Variants in ZNF804B observed in about 807,000 individuals in gnomAD.
ZNF804B encodes the protein zinc finger protein 804B.
In ZNF804B, 80 loss-of-function variants were observed where a neutral mutation model predicts 101.4. That is an observed-to-expected ratio of 0.79 (90% CI 0.66 to 0.95). The LOEUF (loss-of-function observed/expected upper bound fraction) is 0.95. Ranked by LOEUF, ZNF804B falls within the 40% of genes least tolerant of loss-of-function variation. The pLI is 0.00. For missense variants in ZNF804B, 1,673 were observed against 1,561.9 expected, an observed-to-expected ratio of 1.07 and a Z score of -1.20; for synonymous variants, 622 against 558.8, an observed-to-expected ratio of 1.11 and a Z score of -1.59.
At chr7:89,028,168 A>G (rs925579367) in intron 1 of ZNF804B, among the ~76,000 whole-genome samples, 2 of 152,160 alleles carry the variant, frequency 1.3e-5, no homozygotes, top group Admixed American at 1.3e-4. Flanking sequence ...GTCAATATAT[A>G]ACAAATAATA....
intron 1 of ZNF804B, among the ~76,000 whole-genome samples, chr7:88,980,362 G>A (rs1793678640): frequency 6.6e-6 from 1 of 152,048 alleles, no homozygotes; most frequent in Admixed American, 6.6e-5. Context: ...CTTGATACTT[G>A]TGGATTGTTG....
intron 1 of ZNF804B, among the ~76,000 whole-genome samples, chr7:89,103,048 GTTTTTTTTTTTTTTTTTTTT>G (rs56693128): frequency 2.7e-4 from 9 of 33,752 alleles, no homozygotes; most frequent in South Asian, 1.9e-3. Context: ...CTATGTGTCT[GTTTTTTTTTTTTTTTTTTTT>G]TTTTTTTTTT....
Position 89,336,306 on chromosome 7 carries a change from T to A in ZNF804B, c.3324T>A (p.Asn1108Lys). ...TACAGGATGTAAGCATGCATATAAA[T>A]CATGTAGAGGGAAATATAAACTCTT... ...LDLQDVSMHI[N>K]HVEGNINSYY... The change falls in exon 4 of 4, where the codon AAT (asparagine) becomes AAA (lysine). Residue 1108 changes from asparagine to lysine, a missense_variant. Transcript: ENST00000333190. 1 of 1,613,822 alleles carries A rather than the reference T, an allele frequency of 6.2e-7. No individual in the cohort carries two copies. The highest frequency in any genetic ancestry group is 8.5e-7 in the Non-Finnish European group (1 of 1,179,922).
In ZNF804B at chr7:89,035,774, C is replaced by T. The variant is rs571196331; in HGVS notation, c.109-182381C>T. On this transcript the variant is annotated intron_variant, in intron 1 of 3. Coordinates refer to ENST00000333190, the MANE Select transcript of ZNF804B (RefSeq NM_181646.5). ...TATACTGATTTAAGAACAGGAAAAA[C>T]ATTCAAATGTCATATTTTTGTTAGT... Among the ~76,000 whole-genome samples the T allele has an allele frequency of 4.0e-5, 6 of 150,738 alleles. No individual in the cohort carries two copies. In the South Asian group the frequency reaches 1.2e-3, roughly 31 times the overall value.
chr7:89,280,331 A>G (rs1466551984), intron 2 of ZNF804B, among the ~76,000 whole-genome samples: 6 of 151,880 alleles, frequency 4.0e-5, no homozygotes, highest in Non-Finnish European at 8.8e-5. Context: ...TGACACTCTA[A>G]CATCACAATT....
At chr7:88,837,728 A>C (rs1791235408) in intron 1 of ZNF804B, among the ~76,000 whole-genome samples, 1 of 151,856 alleles carries the variant, frequency 6.6e-6, no homozygotes, top group Non-Finnish European at 1.5e-5. Flanking sequence ...TCTTTTTCCA[A>C]CTGCGTATCT....
intron 1 of ZNF804B, among the ~76,000 whole-genome samples, chr7:88,844,138 T>G (rs1482121800): frequency 2.0e-5 from 3 of 152,222 alleles, no homozygotes; most frequent in Non-Finnish European, 2.9e-5. Context: ...ACAGATATGA[T>G]ACCTCAAACT....
At chr7:89,136,762 TGTGC>T (rs1480318071) in intron 1 of ZNF804B, among the ~76,000 whole-genome samples, 1 of 134,390 alleles carries the variant, frequency 7.4e-6, no homozygotes, top group Non-Finnish European at 1.6e-5. Context: ...TGTGTGTGTG[TGTGC>T]GCGCACGTGT....
chr7:89,138,475 T>G (rs1256023039), intron 1 of ZNF804B, among the ~76,000 whole-genome samples: 1 of 152,166 alleles, frequency 6.6e-6, no homozygotes, highest in African/African-American at 2.4e-5. Context: ...TGAGACTTTG[T>G]ACTGTAGACT....
At chr7:88,808,388 A>T (rs934772492) in intron 1 of ZNF804B, among the ~76,000 whole-genome samples, 7 of 152,062 alleles carry the variant, frequency 4.6e-5, no homozygotes, top group African/African-American at 1.7e-4. Flanking sequence ...ATCTCAAAAA[A>T]AAAAAAAAAA....
chr7:89,121,721 TTAAAG>T (rs1477955219), intron 1 of ZNF804B, among the ~76,000 whole-genome samples: 1 of 152,218 alleles, frequency 6.6e-6, no homozygotes, highest in Non-Finnish European at 1.5e-5. Flanking sequence ...AGGTATAGAA[TTAAAG>T]TAAATCAAGC....
chr7:89,025,530 A>G (rs1413474452), intron 1 of ZNF804B, among the ~76,000 whole-genome samples: 1 of 152,146 alleles, frequency 6.6e-6, no homozygotes, highest in South Asian at 2.1e-4. Flanking sequence ...TCCTGATACT[A>G]TAAACGTCCC....
intron 1 of ZNF804B, among the ~76,000 whole-genome samples, chr7:89,172,441 G>A (rs1791250704): frequency 6.6e-6 from 1 of 152,116 alleles, no homozygotes; most frequent in Non-Finnish European, 1.5e-5. Flanking sequence ...TGTCGGTCAA[G>A]TTAATCTATA....
chr7:88,820,571 C>T (rs1583957622), intron 1 of ZNF804B, among the ~76,000 whole-genome samples: 1 of 152,126 alleles, frequency 6.6e-6, no homozygotes, highest in South Asian at 2.1e-4. Context: ...TGTTAAGTCA[C>T]TTGAAGTAGA....
At chr7:89,270,403 C>G (rs957959209) in intron 2 of ZNF804B, among the ~76,000 whole-genome samples, 1 of 152,132 alleles carries the variant, frequency 6.6e-6, no homozygotes, top group African/African-American at 2.4e-5. Flanking sequence ...TTTGAGGGCT[C>G]TGTTCTGTCC....
Position 89,263,134 on chromosome 7 carries a change from C to T in ZNF804B, c.249+44839C>T, listed in dbSNP as rs1055266031. Among the ~76,000 whole-genome samples the T allele has an allele frequency of 4.7e-4, 71 of 152,112 alleles. 2 individuals are homozygous for T. The highest frequency in any genetic ancestry group is 8.8e-5 in the Non-Finnish European group (6 of 68,012). ...TTGCAACCAAATGTTGTGAGCCATTCGGGACACATTATGCCTCCGTCTTCC... is the reference window on the plus strand; with the variant it reads ...TTGCAACCAAATGTTGTGAGCCATTTGGGACACATTATGCCTCCGTCTTCC... On this transcript the variant is annotated intron_variant, in intron 2 of 3. Coordinates refer to ENST00000333190, the MANE Select transcript of ZNF804B (RefSeq NM_181646.5).
At chr7:89,076,537 T>C (rs1049192320) in intron 1 of ZNF804B, among the ~76,000 whole-genome samples, 1 of 152,114 alleles carries the variant, frequency 6.6e-6, no homozygotes, top group African/African-American at 2.4e-5. Flanking sequence ...ATCAGCAGCA[T>C]GAAAATGGAC....
At chr7:89,106,491 T>C (rs994794820) in intron 1 of ZNF804B, among the ~76,000 whole-genome samples, 1 of 152,074 alleles carries the variant, frequency 6.6e-6, no homozygotes, top group Non-Finnish European at 1.5e-5. Context: ...ATGGCTTGTG[T>C]AGAGAGAAAT....
chr7:89,086,084 G>A (rs1403911956), intron 1 of ZNF804B, among the ~76,000 whole-genome samples: 1 of 151,904 alleles, frequency 6.6e-6, no homozygotes, highest in Non-Finnish European at 1.5e-5. Context: ...AGTTGGTGAG[G>A]CAGTTAGGAA....
Sources: gnomAD v4.1 joint callset for allele counts (sites outside exome capture counted in the v4.1 genomes callset) on GRCh38, gnomAD v4.1.1 for gene constraint, MANE v1.5 for transcripts, NCBI Gene and HGNC (gene_info 2026-07-23, HGNC 2026-07-21) for gene names.